The following LRRC36 variants were observed in gnomAD, a reference collection of about 807,000 sequenced individuals.
LRRC36 encodes the protein leucine rich repeat containing 36, also known as leucine-rich repeat-containing protein 36.
LRRC36 carries 62 observed loss-of-function variants against 81.1 expected under a neutral mutation model. The ratio of observed to expected loss-of-function variants is 0.76; its 90% CI spans 0.62 to 0.94. The LOEUF (loss-of-function observed/expected upper bound fraction) is 0.94, where lower values mean the gene tolerates loss of function less well. Ranked by LOEUF, LRRC36 falls within the 40% of genes least tolerant of loss-of-function variation. The pLI is 0.00. For synonymous variants in LRRC36, 334 were observed against 348.6 expected (o/e 0.96, Z 0.47); for missense variants, 761 against 881.7 (o/e 0.86, Z 1.73).
At chr16:67,360,210 G>A (rs746868714) in intron 5 of LRRC36, among the ~76,000 whole-genome samples, 1 of 152,062 alleles carries the variant, frequency 6.6e-6, no homozygotes, top group Non-Finnish European at 1.5e-5. Context: ...ATTTAGGTCT[G>A]TACATCAGAA....
intron 5 of LRRC36, among the ~76,000 whole-genome samples, chr16:67,350,493 A>G (rs1254889745): frequency 2.0e-5 from 3 of 152,194 alleles, no homozygotes; most frequent in Non-Finnish European, 4.4e-5. Flanking sequence ...CCATGAAAGC[A>G]CAAGCTGTAC....
chr16:67,339,086 G>A (rs1170815395), intron 1 of LRRC36, among the ~76,000 whole-genome samples: 1 of 149,992 alleles, frequency 6.7e-6, no homozygotes, highest in Non-Finnish European at 1.5e-5. Context: ...GTAGAGACGT[G>A]GTTTCACCAT....
At chr16:67,381,679 A>T (rs1290846395) in intron 12 of LRRC36, among the ~76,000 whole-genome samples, 1 of 152,164 alleles carries the variant, frequency 6.6e-6, no homozygotes, top group Non-Finnish European at 1.5e-5. Flanking sequence ...CAGTGGCACA[A>T]TCTGTGCTCA....
At chr16:67,338,104 A>C (rs1293966567) in intron 1 of LRRC36, among the ~76,000 whole-genome samples, 1 of 152,088 alleles carries the variant, frequency 6.6e-6, no homozygotes, top group Non-Finnish European at 1.5e-5. Flanking sequence ...AAAATTATTG[A>C]GGACCTCAAA....
intron 2 of LRRC36, 48 bp downstream of exon 2, chr16:67,342,132 T>C (rs1422734178): frequency 5.7e-6 from 8 of 1,398,402 alleles, no homozygotes; most frequent in Non-Finnish European, 6.7e-6. Flanking sequence ...ATTTATTTTT[T>C]TGATGGGAAG....
chr16:67,329,521 G>A (rs1328871513), intron 1 of LRRC36, among the ~76,000 whole-genome samples: 1 of 151,892 alleles, frequency 6.6e-6, no homozygotes, highest in Non-Finnish European at 1.5e-5. Context: ...TTGAACTCCT[G>A]ACCTCAAGTG....
intron 9 of LRRC36, among the ~76,000 whole-genome samples, chr16:67,373,855 T>C (rs901866595): frequency 6.6e-6 from 1 of 150,752 alleles, no homozygotes; most frequent in Non-Finnish European, 1.5e-5. Context: ...CCACTAAAAA[T>C]ACAAAAATTA....
chr16:67,375,002 C>T (rs1030206746), intron 9 of LRRC36, among the ~76,000 whole-genome samples: 4 of 151,774 alleles, frequency 2.6e-5, no homozygotes, highest in South Asian at 2.1e-4. Context: ...TGGTGGCACA[C>T]GCCTATCCCA....
intron 1 of LRRC36, among the ~76,000 whole-genome samples, chr16:67,328,951 C>A (rs1285818593): frequency 6.6e-6 from 1 of 152,014 alleles, no homozygotes; most frequent in Non-Finnish European, 1.5e-5. Context: ...GCTCTGTCAC[C>A]CAGGCTCTAG....
At chr16:67,354,057 C>G (rs1388831589) in intron 5 of LRRC36, among the ~76,000 whole-genome samples, 1 of 152,292 alleles carries the variant, frequency 6.6e-6, no homozygotes, top group Non-Finnish European at 1.5e-5. Flanking sequence ...CTCCCCTAAG[C>G]TCTATCTGTA....
chr16:67,382,096 G>A (rs371780005), intron 12 of LRRC36, 37 bp from the exon 13 acceptor site: 15 of 1,361,018 alleles, frequency 1.1e-5, no homozygotes, highest in Admixed American at 3.5e-5. Flanking sequence ...TAGCAGCTTG[G>A]AATCCTTTTC....
chr16:67,367,565 A>T, intron 8 of LRRC36, 108 bp downstream of exon 8: 1 of 1,032,890 alleles, frequency 9.7e-7, no homozygotes, highest in Non-Finnish European at 1.4e-6. Context: ...GCATTTCTTA[A>T]GTTGTATTTT....
In LRRC36 at chr16:67,347,479, C is replaced by T. The variant is rs906522319; in HGVS notation, c.392-16C>T. 4 of 1,612,452 alleles carry T rather than the reference C, an allele frequency of 2.5e-6. No homozygotes were observed. The highest frequency in any genetic ancestry group is 3.3e-5 in the Admixed American group (2 of 59,962). On this transcript the variant is annotated splice_polypyrimidine_tract_variant and intron_variant, in intron 3 of 13. Coordinates refer to ENST00000329956, the MANE Select transcript of LRRC36 (RefSeq NM_018296.6). ...CAAAAAAAGAAACATGCTCAGACCA[C>T]GGTTTTTGCCTCCAGATGACCGAAC...
chr16:67,337,924 A>G (rs565541693), intron 1 of LRRC36, among the ~76,000 whole-genome samples: 1 of 152,036 alleles, frequency 6.6e-6, no homozygotes, highest in South Asian at 2.1e-4. Context: ...CATCTCTACT[A>G]AAAATACAAA....
chr16:67,346,759 G>A (rs183142832), intron 3 of LRRC36, among the ~76,000 whole-genome samples: 89 of 152,302 alleles, frequency 5.8e-4, no homozygotes, highest in African/African-American at 2.1e-3. Flanking sequence ...CTTTGCAACT[G>A]TATTAGCAAT....
At chr16:67,354,459 G>A (rs1250717453) in intron 5 of LRRC36, among the ~76,000 whole-genome samples, 1 of 152,014 alleles carries the variant, frequency 6.6e-6, no homozygotes, top group Non-Finnish European at 1.5e-5. Flanking sequence ...TGTGTTTTTA[G>A]TAGAGATAGG....
At position 67,385,039 on chromosome 16, in the gene LRRC36, C is replaced by T; in HGVS notation, c.2215C>T (p.Gln739Ter). The T allele has an allele frequency of 1.2e-6, 2 of 1,614,156 alleles. No homozygotes were observed. Among genetic ancestry groups the T allele is most frequent in the Non-Finnish European group, 1.7e-6 (2 of 1,180,034 alleles). The change falls in exon 14 of 14, where the codon CAG becomes TAG. Residue 739 changes from glutamine (Q) to a stop codon, truncating the protein, a stop_gained. Transcript: ENST00000329956. LOFTEE classifies it high-confidence loss of function. ...CTCACCAGTGGCACATGAGACTGGT[C>T]AGTATCTAATACAGAGCGTCTTGGA... ...SSSPVAHETG[Q>*]YLIQSVLDAA...
intron 1 of LRRC36, among the ~76,000 whole-genome samples, chr16:67,340,870 T>TACATATACTCTATAGAATATATACC (rs2038010017): frequency 1.4e-5 from 2 of 140,640 alleles, no homozygotes; most frequent in Non-Finnish European, 3.1e-5. Flanking sequence ...GAATATATAC[T>TACATATACTCTATAGAATATATACC]ACATATACTC....
rs189893896 is a variant in LRRC36 at position 67,335,563 on chromosome 16, G to A, written c.71-6394G>A. On this transcript the variant is annotated intron_variant, in intron 1 of 13. Coordinates refer to ENST00000329956, the MANE Select transcript of LRRC36 (RefSeq NM_018296.6). ...ACATACATCCTCCTCAGTTTACGAA[G>A]ATGACGGAATTAAGAGATTAAAGTA... 1.4e-3 allele frequency among the ~76,000 whole-genome samples: 212 copies of A among 152,284 alleles called. 1 individual carries two copies. The highest frequency in any genetic ancestry group is 5.1e-4 in the Non-Finnish European group (35 of 68,024).
Sources: gnomAD v4.1 joint callset for allele counts (sites outside exome capture counted in the v4.1 genomes callset) on GRCh38, gnomAD v4.1.1 for gene constraint, MANE v1.5 for transcripts, NCBI Gene and HGNC (gene_info 2026-07-23, HGNC 2026-07-21) for gene names.